Variants in ARHGAP18 observed in about 807,000 individuals in gnomAD.
ARHGAP18 encodes rho GTPase-activating protein 18.
A neutral mutation model predicts 86.2 loss-of-function variants in ARHGAP18; 67 were observed. The observed-to-expected ratio is 0.78, with a 90% confidence interval of 0.64 to 0.95. The LOEUF (loss-of-function observed/expected upper bound fraction) is 0.95, where lower values mean the gene tolerates loss of function less well. Ranked by LOEUF, ARHGAP18 falls within the 40% of genes least tolerant of loss-of-function variation. The pLI is 0.00. For missense variants in ARHGAP18, 691 were observed against 780.4 expected (o/e 0.89, Z 1.37); for synonymous variants, 283 against 280.4 (o/e 1.01, Z -0.09).
intron 5 of ARHGAP18, among the ~76,000 whole-genome samples, chr6:129,628,316 G>C (rs2114486309): frequency 6.6e-6 from 1 of 152,272 alleles, no homozygotes; most frequent in African/African-American, 2.4e-5. Context: ...GGAAGACTGT[G>C]TCAGCCAGTA....
At chr6:129,692,321 T>C (rs944121956) in intron 1 of ARHGAP18, among the ~76,000 whole-genome samples, 34 of 152,166 alleles carry the variant, frequency 2.2e-4, no homozygotes, top group African/African-American at 7.7e-4. Context: ...GACCCTTTTC[T>C]CAAGAATATT....
At position 129,578,530 on chromosome 6, in the gene ARHGAP18, T is replaced by C; in HGVS notation, c.1975A>G (p.Lys659Glu). 1 of 1,612,066 alleles carries C rather than the reference T, an allele frequency of 6.2e-7. No individual in the cohort carries two copies. Among genetic ancestry groups the C allele is most frequent in the Non-Finnish European group, 8.5e-7 (1 of 1,178,730 alleles). ...QLNPNAEWVI[K>E]SKPL Reference sequence around the variant, plus strand: ...TAAGTCTTCTACAATGGCTTTGACTTTATAACCCACTCAGCATTTGGGTTA... The same window carrying C: ...TAAGTCTTCTACAATGGCTTTGACTCTATAACCCACTCAGCATTTGGGTTA... The change falls in exon 15 of 15, where the codon AAG (lysine) becomes GAG (glutamate). Residue 659 changes from lysine to glutamate, a missense_variant. Transcript: ENST00000368149.
chr6:129,598,641 T>C (rs1313954551), intron 12 of ARHGAP18, among the ~76,000 whole-genome samples: 2 of 152,228 alleles, frequency 1.3e-5, no homozygotes, highest in East Asian at 3.8e-4. Context: ...TACAGATATT[T>C]AGGTATTTCT....
intron 3 of ARHGAP18, among the ~76,000 whole-genome samples, chr6:129,634,719 A>AT (rs959596984): frequency 1.3e-5 from 2 of 152,322 alleles, no homozygotes; most frequent in Middle Eastern, 3.4e-3. Flanking sequence ...GACAATAAAA[A>AT]TGTGCTAAAA....
chr6:129,649,904 C>CT (rs370338328), intron 1 of ARHGAP18, among the ~76,000 whole-genome samples: 13 of 115,628 alleles, frequency 1.1e-4, no homozygotes, highest in South Asian at 2.6e-4. Context: ...ACTTCGTCTT[C>CT]TTTTTTTTTG....
In ARHGAP18 at chr6:129,629,562, A is replaced by G. The variant is rs146508781; in HGVS notation, c.617-40T>C. 7 of 1,561,592 alleles carry G rather than the reference A, an allele frequency of 4.5e-6. No homozygotes were observed. In the African/African-American group the frequency reaches 9.7e-5, roughly 22 times the overall value. ...GGAAAGAACCCAATTCATATGCTTT[A>G]TTTATTTTTTAAAAAAAATTCTAAT... On this transcript the variant is annotated intron_variant, in intron 4 of 14. Coordinates refer to ENST00000368149, the MANE Select transcript of ARHGAP18 (RefSeq NM_033515.3).
At chr6:129,600,226 C>T (rs1788710311) in intron 11 of ARHGAP18, among the ~76,000 whole-genome samples, 1 of 152,112 alleles carries the variant, frequency 6.6e-6, no homozygotes, top group African/African-American at 2.4e-5. Context: ...CATCCACTTC[C>T]ATCCTCTGAT....
chr6:129,586,996 A>C (rs1788407447), intron 12 of ARHGAP18, among the ~76,000 whole-genome samples: 1 of 152,176 alleles, frequency 6.6e-6, no homozygotes, highest in African/African-American at 2.4e-5. Flanking sequence ...GGGTCCTACT[A>C]TATGACCTGT....
At chr6:129,704,655 C>T (rs1471847496) in intron 1 of ARHGAP18, among the ~76,000 whole-genome samples, 9 of 152,242 alleles carry the variant, frequency 5.9e-5, no homozygotes, top group East Asian at 1.9e-4. Context: ...CTGCTCACCC[C>T]GTTCATTACT....
chr6:129,666,072 G>T lies in ARHGAP18; in HGVS notation c.114-24054C>A, dbSNP rs137859008. 3.1e-3 allele frequency among the ~76,000 whole-genome samples: 477 copies of T among 152,040 alleles called. 2 individuals carry two copies. Among genetic ancestry groups the T allele is most frequent in the African/African-American group, 0.011 (445 of 41,478 alleles). ...AACTCTGATGAAACCAAGCAGAAGA[G>T]AATTTTATTAAAAGCTTACTAGGTG... is the stretch of plus-strand genomic sequence containing the variant. On this transcript the variant is annotated intron_variant, in intron 1 of 14. Transcript: ENST00000368149.
chr6:129,587,408 T>G (rs1788416423), intron 12 of ARHGAP18, among the ~76,000 whole-genome samples: 2 of 152,176 alleles, frequency 1.3e-5, no homozygotes, highest in South Asian at 4.1e-4. Flanking sequence ...GGGGATGTAG[T>G]CTCTTTTCCC....
At chr6:129,681,296 T>C (rs2114537203) in intron 1 of ARHGAP18, among the ~76,000 whole-genome samples, 1 of 152,332 alleles carries the variant, frequency 6.6e-6, no homozygotes, top group South Asian at 2.1e-4. Context: ...CAGGCTCGTC[T>C]TGAACTCCTA....
chr6:129,601,469 A>C (rs542735025), intron 10 of ARHGAP18, among the ~76,000 whole-genome samples: 1 of 152,080 alleles, frequency 6.6e-6, no homozygotes, highest in East Asian at 1.9e-4. Flanking sequence ...TCTCTCAAAA[A>C]AGGAAAAGAG....
chr6:129,678,127 C>T (rs1405110602), intron 1 of ARHGAP18, among the ~76,000 whole-genome samples: 1 of 152,230 alleles, frequency 6.6e-6, no homozygotes, highest in Non-Finnish European at 1.5e-5. Context: ...CCAGCTCAGC[C>T]TGGGGAAGGT....
In ARHGAP18 at chr6:129,605,056, G is replaced by T. The variant is rs530093280; in HGVS notation, c.1365+821C>A. Among the ~76,000 whole-genome samples the T allele has an allele frequency of 1.6e-4, 25 of 151,902 alleles. No individual in the cohort carries two copies. In the South Asian group the frequency reaches 5.2e-3, roughly 32 times the overall value. On this transcript the variant is annotated intron_variant, in intron 10 of 14. Coordinates refer to ENST00000368149, the MANE Select transcript of ARHGAP18 (RefSeq NM_033515.3). Reference sequence around the variant, plus strand: ...ATCTTAAATAGAAAAAAATGAAGAGGGTAAAGAAGCCCTTTACCCATATAA... The same window carrying T: ...ATCTTAAATAGAAAAAAATGAAGAGTGTAAAGAAGCCCTTTACCCATATAA...
intron 1 of ARHGAP18, among the ~76,000 whole-genome samples, chr6:129,676,333 G>T (rs767895011): frequency 7.2e-5 from 11 of 152,272 alleles, no homozygotes; most frequent in East Asian, 3.9e-4. Flanking sequence ...AGTTGCAGAG[G>T]GGGGGCAACA....
chr6:129,615,230 C>G (rs1789070749), intron 7 of ARHGAP18, among the ~76,000 whole-genome samples: 1 of 152,208 alleles, frequency 6.6e-6, no homozygotes, highest in African/African-American at 2.4e-5. Flanking sequence ...TGTCAGCCTC[C>G]TCCTGTTAAT....
chr6:129,651,088 A>G (rs907532010), intron 1 of ARHGAP18, among the ~76,000 whole-genome samples: 1 of 152,174 alleles, frequency 6.6e-6, no homozygotes, highest in Admixed American at 6.5e-5. Context: ...ATGTTGGTGA[A>G]CTGTTCAATT....
chr6:129,585,004 C>T (rs996118113), intron 12 of ARHGAP18, among the ~76,000 whole-genome samples: 1 of 143,872 alleles, frequency 7.0e-6, no homozygotes, highest in Non-Finnish European at 1.5e-5. Context: ...TAACTTTGTG[C>T]CCACAATATC....
Sources: gnomAD v4.1 joint callset for allele counts (sites outside exome capture counted in the v4.1 genomes callset) on GRCh38, gnomAD v4.1.1 for gene constraint, MANE v1.5 for transcripts, NCBI Gene and HGNC (gene_info 2026-07-23, HGNC 2026-07-21) for gene names.